Variants in COL22A1 observed in about 807,000 individuals in gnomAD.
COL22A1 encodes collagen type XXII alpha 1 chain.
In COL22A1, 221 loss-of-function variants were observed where a neutral mutation model predicts 248.9. The ratio of observed to expected loss-of-function variants is 0.89; its 90% CI spans 0.80 to 0.99. The LOEUF is 0.99. Among genes scored for constraint, COL22A1 ranks in the 50% least tolerant of loss-of-function variants. The probability of loss-of-function intolerance (pLI) is 0.00; values close to 1 mark genes in which losing one functional copy is unlikely to be tolerated. For missense variants in COL22A1, 2,240 were observed against 2,179.0 expected (o/e 1.03, Z -0.56); for synonymous variants, 891 against 793.4 (o/e 1.12, Z -2.07).
intron 30 of COL22A1, among the ~76,000 whole-genome samples, chr8:138,712,073 G>A (rs373137459): frequency 5.9e-5 from 9 of 152,288 alleles, no homozygotes; most frequent in East Asian, 3.9e-4. Flanking sequence ...CTACACAGAC[G>A]GTGCTCAGGA....
Position 138,724,680 on chromosome 8 carries a change from C to T in COL22A1, c.2194-12G>A. The T allele has an allele frequency of 6.2e-7, 1 of 1,613,358 alleles. No individual in the cohort carries two copies. Among genetic ancestry groups the T allele is most frequent in the Non-Finnish European group, 8.5e-7 (1 of 1,179,270 alleles). The stretch of plus-strand genomic sequence containing the variant: ...TCTCCAGGCAAACCCTGAAAGGGGA[C>T]CACATGGACCCTGTTAGCCTGGCCT... On this transcript the variant is annotated splice_polypyrimidine_tract_variant and intron_variant, in intron 24 of 64. Coordinates refer to ENST00000303045, the MANE Select transcript of COL22A1 (RefSeq NM_152888.3).
At chr8:138,861,183 C>T (rs1421760536) in intron 3 of COL22A1, among the ~76,000 whole-genome samples, 1 of 152,234 alleles carries the variant, frequency 6.6e-6, no homozygotes, top group African/African-American at 2.4e-5. Flanking sequence ...ATCCATCACT[C>T]CTGCTGGGAC....
chr8:138,891,500 T>A (rs1008452250), intron 1 of COL22A1, among the ~76,000 whole-genome samples: 3 of 152,236 alleles, frequency 2.0e-5, no homozygotes, highest in Non-Finnish European at 4.4e-5. Context: ...TGCTCATAAG[T>A]GCAGTAGCCA....
intron 6 of COL22A1, 96 bp downstream of exon 6, chr8:138,826,562 A>G (rs1389275697): frequency 2.3e-6 from 3 of 1,322,740 alleles, no homozygotes; most frequent in Non-Finnish European, 3.2e-6. Context: ...GCCCAGGGAT[A>G]AGAGCCCTGG....
chr8:138,779,203 A>T (rs1814739988), intron 14 of COL22A1, among the ~76,000 whole-genome samples: 1 of 152,240 alleles, frequency 6.6e-6, no homozygotes, highest in Non-Finnish European at 1.5e-5. Flanking sequence ...TCCATGTATG[A>T]TTGGGTACAT....
intron 60 of COL22A1, among the ~76,000 whole-genome samples, chr8:138,599,143 C>T (rs1046846275): frequency 5.9e-5 from 9 of 152,138 alleles, no homozygotes; most frequent in African/African-American, 2.2e-4. Context: ...GAGATTGAGA[C>T]CATCCTGGCT....
chr8:138,647,127 C>T (rs1054217545), intron 46 of COL22A1, among the ~76,000 whole-genome samples: 3 of 152,262 alleles, frequency 2.0e-5, no homozygotes, highest in African/African-American at 7.2e-5. Context: ...TCTAACCACT[C>T]ATTTTGGGGA....
intron 6 of COL22A1, among the ~76,000 whole-genome samples, chr8:138,822,435 C>T (rs1386923769): frequency 6.6e-6 from 1 of 152,182 alleles, no homozygotes; most frequent in Non-Finnish European, 1.5e-5. Context: ...ACCAAACATC[C>T]TGTGTGCCCA....
intron 1 of COL22A1, among the ~76,000 whole-genome samples, chr8:138,897,801 A>G (rs10108932): frequency 0.023 from 3,063 of 135,450 alleles, 86 homozygotes; most frequent in African/African-American, 0.075. Context: ...ACAACAACAG[A>G]AAAAAAAAAA....
intron 1 of COL22A1, among the ~76,000 whole-genome samples, chr8:138,913,018 C>T (rs1235592489): frequency 6.6e-6 from 1 of 152,038 alleles, no homozygotes; most frequent in East Asian, 1.9e-4. Flanking sequence ...GAACATGATA[C>T]GCAGGGATTG....
At position 138,900,933 on chromosome 8, in the gene COL22A1, G is replaced by C. The variant is rs1814503463; in HGVS notation, c.-73+12686C>G. ...AAAAAGCAGGGTCATGTGATAGAAG[G>C]TGACTTGGGTAGGACATTTTTTACA... On this transcript the variant is annotated intron_variant, in intron 1 of 64. Transcript: ENST00000303045. Among the ~76,000 whole-genome samples, 6 of 152,268 alleles carry C rather than the reference G, an allele frequency of 3.9e-5. No homozygotes were observed. The South Asian group carries it at 1.2e-3, about 32-fold the overall frequency.
At chr8:138,859,059 T>C (rs1189085008) in intron 3 of COL22A1, among the ~76,000 whole-genome samples, 2 of 152,236 alleles carry the variant, frequency 1.3e-5, no homozygotes, top group Admixed American at 1.3e-4. Flanking sequence ...ACCAGCTGAA[T>C]GAGCCCAGAA....
chr8:138,821,275 A>T lies in COL22A1; in HGVS notation c.1106T>A (p.Leu369Gln). Residue 369 changes from leucine (L) to glutamine (Q), a missense_variant, in exon 7 of 65, where the codon CTG becomes CAG. Physicochemically the swap from Leu to Gln is moderately radical, Grantham distance 113. Coordinates refer to ENST00000303045, the MANE Select transcript of COL22A1 (RefSeq NM_152888.3). ...GGAGACGTTCTGGGCCTGGATGCTC[A>T]GGGCCATCTTGTGCCAGTCCCGGTC... ...LFDRDWHKMALSIQAQNVSLH... is the reference protein window; with the variant it reads ...LFDRDWHKMAQSIQAQNVSLH... 3.7e-6 allele frequency: 6 copies of T among 1,614,218 alleles called. No homozygotes were observed. Among genetic ancestry groups the T allele is most frequent in the Non-Finnish European group, 5.1e-6 (6 of 1,180,042 alleles).
At chr8:138,763,295 G>A (rs983344771) in intron 16 of COL22A1, among the ~76,000 whole-genome samples, 1 of 152,028 alleles carries the variant, frequency 6.6e-6, no homozygotes, top group African/African-American at 2.4e-5. Context: ...GCTGAGGCAC[G>A]AGAATGGCTT....
chr8:138,654,392 G>T (rs1823028511), intron 45 of COL22A1, among the ~76,000 whole-genome samples: 1 of 152,148 alleles, frequency 6.6e-6, no homozygotes, highest in Non-Finnish European at 1.5e-5. Context: ...TTAATAAAAG[G>T]TGTAATTTTC....
chr8:138,609,120 A>C (rs1173161782), intron 56 of COL22A1, among the ~76,000 whole-genome samples: 1 of 152,216 alleles, frequency 6.6e-6, no homozygotes, highest in Non-Finnish European at 1.5e-5. Context: ...CTGACCGGGC[A>C]CTTCCTACAT....
intron 7 of COL22A1, among the ~76,000 whole-genome samples, chr8:138,820,372 G>T (rs1819007245): frequency 6.6e-6 from 1 of 152,116 alleles, no homozygotes; most frequent in African/African-American, 2.4e-5. Context: ...ACTGTGCAAG[G>T]TGTCTGTGTG....
intron 45 of COL22A1, among the ~76,000 whole-genome samples, chr8:138,650,132 T>C (rs568233194): frequency 6.6e-6 from 1 of 152,314 alleles, no homozygotes; most frequent in East Asian, 1.9e-4. Context: ...AGTGCAGATT[T>C]AATACAAACA....
At chr8:138,771,523 T>C (rs780836842) in intron 16 of COL22A1, among the ~76,000 whole-genome samples, 5 of 152,224 alleles carry the variant, frequency 3.3e-5, no homozygotes, top group Non-Finnish European at 5.9e-5. Context: ...AAAACCGCAG[T>C]GTTCCTTGAC....
Sources: allele counts gnomAD v4.1 joint callset (sites outside exome capture counted in the v4.1 genomes callset), GRCh38; gene constraint gnomAD v4.1.1; transcripts MANE v1.5; gene names NCBI Gene and HGNC (gene_info 2026-07-23, HGNC 2026-07-21).